The following FANCM variants were observed in gnomAD, a reference collection of about 807,000 sequenced individuals.
FANCM encodes FA complementation group M.
In FANCM, 140 loss-of-function variants were observed where a neutral mutation model predicts 199.5. The ratio of observed to expected loss-of-function variants is 0.70; its 90% CI spans 0.61 to 0.81. The LOEUF (loss-of-function observed/expected upper bound fraction) is 0.81, where lower values mean the gene tolerates loss of function less well. Among genes scored for constraint, FANCM ranks in the 30% least tolerant of loss-of-function variants. The probability of loss-of-function intolerance (pLI) is 0.00; values close to 1 mark genes in which losing one functional copy is unlikely to be tolerated. For synonymous variants in FANCM, 840 were observed against 836.8 expected, an observed-to-expected ratio of 1.00 and a Z score of -0.07; for missense variants, 2,410 against 2,421.4, an observed-to-expected ratio of 1.00 and a Z score of 0.10.
intron 10 of FANCM, among the ~76,000 whole-genome samples, chr14:45,166,365 C>T (rs1183558773): frequency 9.2e-5 from 14 of 152,000 alleles, no homozygotes; most frequent in African/African-American, 1.9e-4. Context: ...TCTTGAACTC[C>T]GGACCTCGTG....
Position 45,173,099 on chromosome 14 carries a change from A to T in FANCM, c.2205A>T (p.Glu735Asp), listed in dbSNP as rs759456936. The part of the protein sequence containing the change: ...TTGIHQLSLS[E>D]WRLWQDHPLP... ...GAATTCATCAACTCTCTCTCTCTGAATGGAGACTGTGGCAAGATCATCCTT... is the reference window on the plus strand; with the variant it reads ...GAATTCATCAACTCTCTCTCTCTGATTGGAGACTGTGGCAAGATCATCCTT... The change falls in exon 13 of 23, where the codon GAA becomes GAT. Residue 735 changes from glutamate to aspartate, a missense_variant. By Grantham distance (45) the Glu-to-Asp change is conservative. Coordinates refer to ENST00000267430, the MANE Select transcript of FANCM (RefSeq NM_020937.4). 3.7e-6 allele frequency: 6 copies of T among 1,611,922 alleles called. No individual in the cohort carries two copies. The highest frequency in any genetic ancestry group is 5.1e-6 in the Non-Finnish European group (6 of 1,178,076).
Position 45,185,934 on chromosome 14 carries a change from T to A in FANCM, c.4672+561T>A, listed in dbSNP as rs558183106. On this transcript the variant is annotated intron_variant, in intron 18 of 22. Coordinates refer to ENST00000267430, the MANE Select transcript of FANCM (RefSeq NM_020937.4). ...TTTTTTTAGAGACAGAGTCTTACTCTGTTGCCCAGAGTAGGGTGCAGTGGC... is the reference window on the plus strand; with the variant it reads ...TTTTTTTAGAGACAGAGTCTTACTCAGTTGCCCAGAGTAGGGTGCAGTGGC... Among the ~76,000 whole-genome samples, 8 of 152,332 alleles carry A rather than the reference T, an allele frequency of 5.3e-5. No homozygotes were observed. The South Asian group carries it at 1.7e-3, about 32-fold the overall frequency.
At position 45,137,261 on chromosome 14, in the gene FANCM, G is replaced by A; in HGVS notation, c.681+20G>A. The A allele has an allele frequency of 1.2e-6, 2 of 1,600,952 alleles. No individual in the cohort carries two copies. Among genetic ancestry groups the A allele is most frequent in the Non-Finnish European group, 1.7e-6 (2 of 1,173,620 alleles). Reference sequence around the variant, plus strand: ...TGCCAGGTAATAATTTTGTTAAACGGTATTTTGTATTGTAACTGTACTGTT... The same window carrying A: ...TGCCAGGTAATAATTTTGTTAAACGATATTTTGTATTGTAACTGTACTGTT... On this transcript the variant is annotated intron_variant, in intron 2 of 22. Coordinates refer to ENST00000267430, the MANE Select transcript of FANCM (RefSeq NM_020937.4).
In FANCM at chr14:45,135,968, C is replaced by T; in HGVS notation, c.-64C>T. On this transcript the variant is annotated 5_prime_UTR_variant, in exon 1 of 23. Transcript: ENST00000267430. ...CGAAGGAAACCGATGGGGATCGGAA[C>T]CGTAGCGGTTGAGCTGCTGCTGCTA... 1.3e-6 allele frequency: 2 copies of T among 1,570,430 alleles called. No individual in the cohort carries two copies. Among genetic ancestry groups the T allele is most frequent in the Non-Finnish European group, 1.7e-6 (2 of 1,143,624 alleles).
At chr14:45,150,261 A>C (rs1018347228) in intron 4 of FANCM, among the ~76,000 whole-genome samples, 2 of 152,224 alleles carry the variant, frequency 1.3e-5, no homozygotes, top group African/African-American at 4.8e-5. Flanking sequence ...AAGATATGGC[A>C]AAGTCTTTTT....
intron 18 of FANCM, among the ~76,000 whole-genome samples, chr14:45,185,981 C>T (rs1889376938): frequency 1.3e-5 from 2 of 152,246 alleles, no homozygotes; most frequent in South Asian, 4.1e-4. Flanking sequence ...TCACTGCAGC[C>T]TTGAACTCCT....
At chr14:45,142,030 G>A (rs1235442764) in intron 3 of FANCM, among the ~76,000 whole-genome samples, 2 of 151,964 alleles carry the variant, frequency 1.3e-5, no homozygotes, top group Non-Finnish European at 2.9e-5. Context: ...AGTTTTGTTT[G>A]GAAATAACTT....
At chr14:45,141,442 CTT>C (rs1340389603) in intron 3 of FANCM, among the ~76,000 whole-genome samples, 4 of 151,172 alleles carry the variant, frequency 2.6e-5, no homozygotes, top group Non-Finnish European at 5.9e-5. Context: ...ACCTGCCTAG[CTT>C]TTTTTCAGTG....
rs200351777 is a variant in FANCM at position 45,148,200 on chromosome 14, A to AACACACACAC, written c.760-611_760-602dup. Among the ~76,000 whole-genome samples the AACACACACAC allele has an allele frequency of 6.2e-3, 890 of 142,410 alleles. 13 individuals are homozygous for AACACACACAC. The highest frequency in any genetic ancestry group is 0.02 in the African/African-American group (773 of 38,426). 93.4% of individuals were successfully genotyped at this position (142,410 alleles called of 152,430 possible). On this transcript the variant is annotated intron_variant, in intron 3 of 22. Transcript: ENST00000267430. ...TGACAGAACGAGGCACCGTCTCAAAAACACACACACACACACACACACACA... is the reference window on the plus strand; with the variant it reads ...TGACAGAACGAGGCACCGTCTCAAAAACACACACACACACACACACACACACACACACACA...
intron 11 of FANCM, among the ~76,000 whole-genome samples, chr14:45,170,017 A>G (rs777814868): frequency 5.3e-5 from 8 of 152,264 alleles, no homozygotes; most frequent in Non-Finnish European, 7.4e-5. Context: ...CAATACTGCT[A>G]TGATAGAATC....
rs769405541 is a variant in FANCM at position 45,187,839 on chromosome 14, G to A, written c.4731G>A (p.Lys1577=). ...TGCGTAGTCCAATGATGAACAATAAGTACAAAATGATTCATAAGACACATA... is the reference window on the plus strand; with the variant it reads ...TGCGTAGTCCAATGATGAACAATAAATACAAAATGATTCATAAGACACATA... The part of the protein sequence containing the change: ...KSLRSPMMNN[K]YKMIHKTHKN... The change falls in exon 19 of 23, where the codon AAG becomes AAA. Residue 1577 remains lysine, a synonymous_variant. Transcript: ENST00000267430. The A allele has an allele frequency of 1.9e-6, 3 of 1,579,202 alleles. No individual in the cohort carries two copies. Among genetic ancestry groups the A allele is most frequent in the Non-Finnish European group, 2.6e-6 (3 of 1,148,516 alleles).
At chr14:45,195,626 A>C (rs182587871) in intron 20 of FANCM, 1 of 449,842 alleles carries the variant, frequency 2.2e-6, no homozygotes, top group Admixed American at 2.4e-5. Flanking sequence ...TCTCACTTCC[A>C]TGTTGTTTTT....
At chr14:45,199,033 C>G (rs974271614) in intron 22 of FANCM, 98 bp downstream of exon 22, 1 of 881,614 alleles carries the variant, frequency 1.1e-6, no homozygotes, top group Admixed American at 2.4e-5. Context: ...CGGCATCATG[C>G]CTGTTAGATT....
chr14:45,154,779 T>C lies in FANCM; in HGVS notation c.1266T>C (p.Arg422=). ...LYNHLECMFA[R]TRSTSANGIS... is the part of the protein sequence containing the mutation. ...ATCATCTAGAGTGTATGTTTGCACG[T>C]ACACGTAGTACTTCAGCAAATGGTA... The change falls in exon 7 of 23, where the codon CGT becomes CGC. Residue 422 remains arginine (R), a synonymous_variant. Coordinates refer to ENST00000267430, the MANE Select transcript of FANCM (RefSeq NM_020937.4). 1 of 1,607,204 alleles carries C rather than the reference T, an allele frequency of 6.2e-7. No individual in the cohort carries two copies. Among genetic ancestry groups the C allele is most frequent in the Non-Finnish European group, 8.5e-7 (1 of 1,175,208 alleles).
At position 45,181,423 on chromosome 14, in the gene FANCM, A is replaced by T; in HGVS notation, c.4223-7A>T. 6.7e-7 allele frequency: 1 copy of T among 1,498,396 alleles called. No homozygotes were observed. Among genetic ancestry groups the T allele is most frequent in the Non-Finnish European group, 9.3e-7 (1 of 1,077,366 alleles). The allele number at this position is 1,498,396 out of a possible 1,614,324, so 92.8% of individuals were successfully genotyped here. On this transcript the variant is annotated splice_polypyrimidine_tract_variant and splice_region_variant and intron_variant, in intron 14 of 22. Coordinates refer to ENST00000267430, the MANE Select transcript of FANCM (RefSeq NM_020937.4). The stretch of plus-strand genomic sequence containing the variant: ...AACCATTCATTATTTTAAAAAATAA[A>T]TTATAGATGGACAATTATTAACAAG...
intron 4 of FANCM, among the ~76,000 whole-genome samples, 159 bp downstream of exon 4, chr14:45,149,154 G>C (rs1594767127): frequency 1.3e-5 from 2 of 152,156 alleles, no homozygotes; most frequent in African/African-American, 4.8e-5. Context: ...AATGAGCACT[G>C]TGTTTTGTAT....
At chr14:45,158,000 C>G (rs1054460846) in intron 8 of FANCM, among the ~76,000 whole-genome samples, 1 of 152,016 alleles carries the variant, frequency 6.6e-6, no homozygotes, top group African/African-American at 2.4e-5. Flanking sequence ...AGTTCGAGAC[C>G]AGCCTTGGCA....
Position 45,136,651 on chromosome 14 carries a change from C to T in FANCM, c.508+112C>T. The T allele has an allele frequency of 2.9e-6, 3 of 1,045,586 alleles. No individual in the cohort carries two copies. In the South Asian group the frequency reaches 3.9e-5, roughly 14 times the overall value. The allele number at this position is 1,045,586 out of a possible 1,614,324, so 64.8% of individuals were successfully genotyped here. A position where few individuals can be genotyped will look rare whatever the true frequency, so the allele number is the denominator to read the frequency against. On this transcript the variant is annotated intron_variant, in intron 1 of 22. Coordinates refer to ENST00000267430, the MANE Select transcript of FANCM (RefSeq NM_020937.4). ...TACGCCCTCCCTCTTAAAACATTCT[C>T]TACTTGCAGCAAGCCCAAAACTGAT...
chr14:45,148,970 C>G lies in FANCM; in HGVS notation c.893C>G (p.Ala298Gly), dbSNP rs1316547284. The G allele has an allele frequency of 1.2e-6, 2 of 1,613,556 alleles. No homozygotes were observed. Among genetic ancestry groups the G allele is most frequent in the African/African-American group, 2.7e-5 (2 of 74,904 alleles). Residue 298 changes from alanine (A) to glycine (G), a missense_variant, in exon 4 of 23, where the codon GCA becomes GGA. By Grantham distance (60) the Ala-to-Gly change is moderately conservative. Coordinates refer to ENST00000267430, the MANE Select transcript of FANCM (RefSeq NM_020937.4). ...KLIVPLGEEL[A>G]AIQKTYIQIL... Reference sequence around the variant, plus strand: ...ATTGTTCCGCTTGGTGAAGAACTTGCAGCCATCCAAAAGACCTATATCCAG... The same window carrying G: ...ATTGTTCCGCTTGGTGAAGAACTTGGAGCCATCCAAAAGACCTATATCCAG...
Sources: gnomAD v4.1 joint callset for allele counts (sites outside exome capture counted in the v4.1 genomes callset) on GRCh38, gnomAD v4.1.1 for gene constraint, MANE v1.5 for transcripts, NCBI Gene and HGNC (gene_info 2026-07-23, HGNC 2026-07-21) for gene names.